Variants in SLC8A1 observed in about 807,000 individuals in gnomAD.
SLC8A1 encodes solute carrier family 8 member A1.
Under a neutral mutation model 68.3 loss-of-function variants are expected in SLC8A1, and 18 were observed. The ratio of observed to expected loss-of-function variants is 0.26; its 90% CI spans 0.18 to 0.39. The LOEUF is 0.39. Ranked by LOEUF, SLC8A1 falls within the 10% of genes least tolerant of loss-of-function variation. SLC8A1 has a pLI of 1.00. For missense variants in SLC8A1, 985 were observed against 1,156.7 expected, an observed-to-expected ratio of 0.85 and a Z score of 2.15; for synonymous variants, 475 against 415.5, an observed-to-expected ratio of 1.14 and a Z score of -1.74.
intron 2 of SLC8A1, among the ~76,000 whole-genome samples, chr2:40,231,496 C>T (rs947680571): frequency 2.6e-5 from 4 of 151,898 alleles, no homozygotes; most frequent in African/African-American, 4.8e-5. Flanking sequence ...TTTTCACACT[C>T]TTTTTTTTAT....
At chr2:40,511,007 A>T (rs1208245968) in intron 1 of SLC8A1, among the ~76,000 whole-genome samples, 2 of 152,174 alleles carry the variant, frequency 1.3e-5, no homozygotes, top group Non-Finnish European at 2.9e-5. Flanking sequence ...TGCTTTTCCC[A>T]GACATCTAAT....
At chr2:40,508,259 C>T (rs1284297691) in intron 1 of SLC8A1, among the ~76,000 whole-genome samples, 1 of 151,412 alleles carries the variant, frequency 6.6e-6, no homozygotes. Flanking sequence ...GAAAATGATT[C>T]AAGACATTTC....
intron 7 of SLC8A1, 28 bp from the exon 11 acceptor site, chr2:40,115,657 ACACT>A: frequency 6.3e-7 from 1 of 1,586,962 alleles, no homozygotes; most frequent in Non-Finnish European, 8.5e-7. Context: ...AAAGTCAATG[ACACT>A]CAATCTTTTA....
Position 40,430,741 on chromosome 2 carries a change from C to T in SLC8A1, c.-24-437G>A, listed in dbSNP as rs78811382. ...ATTTTCTTCTAAATTTGTGTTAGTA[C>T]ATCATCTTCCAAAAACGGTTTCAAT... On this transcript the variant is annotated intron_variant, in intron 1 of 7. Transcript: ENST00000406785. Among the ~76,000 whole-genome samples, 55 of 152,246 alleles carry T rather than the reference C, an allele frequency of 3.6e-4. No individual in the cohort carries two copies. In the South Asian group the frequency reaches 9.9e-3, roughly 28 times the overall value.
In SLC8A1 at chr2:40,200,203, T is replaced by A. The variant is rs1446942557; in HGVS notation, c.1809-22348A>T. 1.1e-3 allele frequency among the ~76,000 whole-genome samples: 13 copies of A among 11,520 alleles called. 1 individual carries two copies. Among genetic ancestry groups the A allele is most frequent in the African/African-American group, 5.3e-3 (13 of 2,456 alleles). 7.6% of individuals were successfully genotyped at this position (11,520 alleles called of 152,430 possible). ...ATATATATATATATTTATATATATA[T>A]ATAAATATATATATATTTTTTTATA... On this transcript the variant is annotated intron_variant, in intron 2 of 7. Coordinates refer to ENST00000406785, the Ensembl canonical transcript of SLC8A1.
At chr2:40,231,955 G>T (rs942764658) in intron 2 of SLC8A1, among the ~76,000 whole-genome samples, 1 of 152,098 alleles carries the variant, frequency 6.6e-6, no homozygotes, top group Non-Finnish European at 1.5e-5. Context: ...AGGAACTGGA[G>T]GTGTGAGAGC....
chr2:40,224,103 A>G (rs960747645), intron 2 of SLC8A1, among the ~76,000 whole-genome samples: 2 of 152,190 alleles, frequency 1.3e-5, no homozygotes, highest in African/African-American at 4.8e-5. Flanking sequence ...GGACTCATAC[A>G]TGATGTTGCT....
chr2:40,381,798 T>C (rs1159373204), intron 2 of SLC8A1, among the ~76,000 whole-genome samples: 1 of 151,282 alleles, frequency 6.6e-6, no homozygotes, highest in Non-Finnish European at 1.5e-5. Context: ...CAGATCACCA[T>C]CTGGACAAAG....
intron 5 of SLC8A1, 102 bp downstream of exon 8, chr2:40,164,752 C>G (rs914578471): frequency 5.1e-5 from 73 of 1,443,914 alleles, no homozygotes; most frequent in Non-Finnish European, 6.6e-5. Context: ...GAAATTACAT[C>G]TACTACTCTT....
At chr2:40,215,419 T>G (rs564671173) in intron 2 of SLC8A1, among the ~76,000 whole-genome samples, 1 of 151,730 alleles carries the variant, frequency 6.6e-6, no homozygotes, top group East Asian at 1.9e-4. Context: ...GGGTGGATCA[T>G]GAGGTCAGGA....
At chr2:40,307,796 CA>C (rs2149292401) in intron 2 of SLC8A1, among the ~76,000 whole-genome samples, 2 of 152,204 alleles carry the variant, frequency 1.3e-5, no homozygotes, top group South Asian at 4.1e-4. Context: ...CATAGGATAG[CA>C]GCAAAGGCAT....
At chr2:40,463,281 G>T (rs1703449496) in intron 1 of SLC8A1, among the ~76,000 whole-genome samples, 2 of 152,198 alleles carry the variant, frequency 1.3e-5, no homozygotes, top group South Asian at 4.1e-4. Context: ...ATGAGATGCA[G>T]TTGAGGAACT....
At position 40,172,802 on chromosome 2, in the gene SLC8A1, C is replaced by T. The variant is rs528329397; in HGVS notation, c.1930+2023G>A. Among the ~76,000 whole-genome samples, 7 of 152,022 alleles carry T rather than the reference C, an allele frequency of 4.6e-5. No individual in the cohort carries two copies. The South Asian group carries it at 6.2e-4, about 14-fold the overall frequency. On this transcript the variant is annotated intron_variant, in intron 4 of 7. Transcript: ENST00000406785. ...CTAAAAATACAAAAAATTAGCTAGGCGTGGTGGCACGTGCCTGTAGTCCCA... is the reference window on the plus strand; with the variant it reads ...CTAAAAATACAAAAAATTAGCTAGGTGTGGTGGCACGTGCCTGTAGTCCCA...
chr2:40,162,381 G>C (rs773923006), intron 5 of SLC8A1, among the ~76,000 whole-genome samples: 23 of 152,182 alleles, frequency 1.5e-4, no homozygotes, highest in Admixed American at 1.1e-3. Context: ...GGAAACTTGG[G>C]ACAGTTCTCT....
chr2:40,421,383 T>G (rs1695465662), intron 2 of SLC8A1, among the ~76,000 whole-genome samples: 1 of 152,264 alleles, frequency 6.6e-6, no homozygotes, highest in Non-Finnish European at 1.5e-5. Context: ...CCTAAGCCCA[T>G]CTTTATCTCA....
intron 2 of SLC8A1, among the ~76,000 whole-genome samples, chr2:40,342,853 T>G (rs1668132282): frequency 6.6e-6 from 1 of 152,088 alleles, no homozygotes; most frequent in Admixed American, 6.6e-5. Context: ...TGAACTAAAA[T>G]AGAGTATTCG....
At chr2:40,438,920 G>C (rs1699983617) in intron 1 of SLC8A1, among the ~76,000 whole-genome samples, 1 of 152,092 alleles carries the variant, frequency 6.6e-6, no homozygotes, top group Non-Finnish European at 1.5e-5. Flanking sequence ...ACAGGGCATG[G>C]GGCTTGTTTA....
chr2:40,156,628 C>T (rs1256776616), intron 6 of SLC8A1, among the ~76,000 whole-genome samples: 1 of 151,788 alleles, frequency 6.6e-6, no homozygotes, highest in Non-Finnish European at 1.5e-5. Context: ...GGCATCCTCC[C>T]CAAGGAACTT....
chr2:40,148,669 C>A (rs1178045859), intron 6 of SLC8A1, among the ~76,000 whole-genome samples: 1 of 152,206 alleles, frequency 6.6e-6, no homozygotes, highest in African/African-American at 2.4e-5. Context: ...TTGGCCACCT[C>A]ACAGATCCTG....
Sources: gnomAD v4.1 joint callset for allele counts (sites outside exome capture counted in the v4.1 genomes callset) on GRCh38, gnomAD v4.1.1 for gene constraint, MANE v1.5 for transcripts, NCBI Gene and HGNC (gene_info 2026-07-23, HGNC 2026-07-21) for gene names.